SLC24A2: variants seen among roughly 807,000 people sequenced by gnomAD.
SLC24A2 encodes sodium/potassium/calcium exchanger 2.
A neutral mutation model predicts 62.0 loss-of-function variants in SLC24A2; 36 were observed. That is an observed-to-expected ratio of 0.58 (90% CI 0.44 to 0.77). The LOEUF (loss-of-function observed/expected upper bound fraction) is 0.77, where lower values mean the gene tolerates loss of function less well. Among genes scored for constraint, SLC24A2 ranks in the 30% least tolerant of loss-of-function variants. SLC24A2 has a pLI of 0.00. For synonymous variants in SLC24A2, 358 were observed against 294.0 expected, an observed-to-expected ratio of 1.22 and a Z score of -2.23; for missense variants, 846 against 817.9, an observed-to-expected ratio of 1.03 and a Z score of -0.42.
chr9:19,832,077 C>T, the SLC24A2 span, among the ~76,000 whole-genome samples: 1 of 152,172 alleles, frequency 6.6e-6, no homozygotes, highest in Non-Finnish European at 1.5e-5. Context: ...TGTCTGTACT[C>T]TCTCACCCAG....
intron 2 of SLC24A2, among the ~76,000 whole-genome samples, chr9:19,724,186 A>G (rs1013437789): frequency 6.6e-6 from 1 of 152,140 alleles, no homozygotes; most frequent in Admixed American, 6.5e-5. Flanking sequence ...CTTCTGGAAG[A>G]CTTCTTTTTT....
chr9:19,768,730 T>A (rs1822592719), intron 2 of SLC24A2, among the ~76,000 whole-genome samples: 2 of 152,148 alleles, frequency 1.3e-5, no homozygotes, highest in East Asian at 3.8e-4. Flanking sequence ...CATTTAACAT[T>A]TTCAGACTGT....
At chr9:19,867,729 G>A in the SLC24A2 span, among the ~76,000 whole-genome samples, 1 of 152,164 alleles carries the variant, frequency 6.6e-6, no homozygotes, top group Admixed American at 6.5e-5. Flanking sequence ...CTAACATGGT[G>A]AAACCCCGTC....
At chr9:20,005,898 T>A in the SLC24A2 span, among the ~76,000 whole-genome samples, 1 of 151,228 alleles carries the variant, frequency 6.6e-6, no homozygotes. Flanking sequence ...GAAACAAGTT[T>A]ATTTGTCATA....
At chr9:19,535,100 T>C (rs1380633207) in intron 8 of SLC24A2, among the ~76,000 whole-genome samples, 6 of 152,264 alleles carry the variant, frequency 3.9e-5, no homozygotes, top group Non-Finnish European at 4.4e-5. Flanking sequence ...TGCATTTCTC[T>C]AATGACCAGT....
rs571802399 is a variant in SLC24A2 at position 19,541,921 on chromosome 9, C to G, written c.1479+8216G>C. Among the ~76,000 whole-genome samples the G allele has an allele frequency of 4.7e-3, 710 of 152,144 alleles. 1 individual carries two copies. The highest frequency in any genetic ancestry group is 8.9e-3 in the Non-Finnish European group (604 of 67,968). ...TATAGTCTCCTGGTGCGCCGTTTTT[C>G]AAGCCGGTCTGAAAAGCGCAATATT... On this transcript the variant is annotated intron_variant, in intron 8 of 10. Transcript: ENST00000341998.
At chr9:20,007,879 C>CTT in the SLC24A2 span, among the ~76,000 whole-genome samples, 2,289 of 39,508 alleles carry the variant, frequency 0.058, 927 homozygotes, top group Non-Finnish European at 0.077. Context: ...TTACTCCTCT[C>CTT]TTTTTTTTTT....
chr9:19,567,333 T>C (rs1357670234), intron 7 of SLC24A2, among the ~76,000 whole-genome samples: 4 of 151,748 alleles, frequency 2.6e-5, no homozygotes, highest in Non-Finnish European at 5.9e-5. Context: ...GATCACCAGG[T>C]CAGGAGATCA....
At chr9:20,256,941 C>T in the SLC24A2 span, among the ~76,000 whole-genome samples, 66 of 104,680 alleles carry the variant, frequency 6.3e-4, no homozygotes, top group African/African-American at 2.0e-3. Flanking sequence ...CACACACACA[C>T]ACACACACTT....
At chr9:19,860,152 C>A in the SLC24A2 span, among the ~76,000 whole-genome samples, 1 of 152,130 alleles carries the variant, frequency 6.6e-6, no homozygotes, top group African/African-American at 2.4e-5. Flanking sequence ...CTCCCCTAAC[C>A]CTAAGTTGCA....
At chr9:19,531,434 C>T (rs1315773322) in intron 8 of SLC24A2, among the ~76,000 whole-genome samples, 1 of 152,144 alleles carries the variant, frequency 6.6e-6, no homozygotes, top group African/African-American at 2.4e-5. Context: ...GGATGGACCT[C>T]ATACTAATTA....
the SLC24A2 span, among the ~76,000 whole-genome samples, chr9:19,947,430 A>G: frequency 6.6e-6 from 1 of 151,548 alleles, no homozygotes; most frequent in African/African-American, 2.4e-5. Flanking sequence ...AAGGAAGGAA[A>G]GAAAGAAGGA....
chr9:19,640,319 C>T (rs910746953), intron 2 of SLC24A2, among the ~76,000 whole-genome samples: 4 of 152,314 alleles, frequency 2.6e-5, no homozygotes, highest in African/African-American at 9.6e-5. Context: ...TAAGTTGAAT[C>T]TTTATCTTTT....
intron 8 of SLC24A2, among the ~76,000 whole-genome samples, chr9:19,542,834 T>A (rs1297294930): frequency 6.6e-6 from 1 of 152,208 alleles, no homozygotes; most frequent in Non-Finnish European, 1.5e-5. Flanking sequence ...TGGATTTGGT[T>A]TGCCAGTATT....
At chr9:19,741,478 C>G (rs1371294369) in intron 2 of SLC24A2, among the ~76,000 whole-genome samples, 1 of 152,216 alleles carries the variant, frequency 6.6e-6, no homozygotes, top group Non-Finnish European at 1.5e-5. Context: ...CCTCAACACT[C>G]TCTGCTCCAA....
chr9:19,745,319 G>A (rs1821800702), intron 2 of SLC24A2, among the ~76,000 whole-genome samples: 1 of 152,108 alleles, frequency 6.6e-6, no homozygotes. Context: ...CCAGCCTCGG[G>A]TATTCCTTCA....
chr9:19,680,762 G>C (rs1263424912), intron 2 of SLC24A2, among the ~76,000 whole-genome samples: 1 of 152,010 alleles, frequency 6.6e-6, no homozygotes, highest in Non-Finnish European at 1.5e-5. Flanking sequence ...ACAATGTTGA[G>C]AAGTTCACAA....
chr9:19,718,236 A>C (rs1820917478), intron 2 of SLC24A2, among the ~76,000 whole-genome samples: 1 of 149,966 alleles, frequency 6.7e-6, no homozygotes, highest in East Asian at 2.0e-4. Context: ...TGGCCTCCCA[A>C]AGTGCTGGGA....
At chr9:19,898,530 C>A in the SLC24A2 span, among the ~76,000 whole-genome samples, 1 of 152,060 alleles carries the variant, frequency 6.6e-6, no homozygotes, top group Admixed American at 6.5e-5. Flanking sequence ...ATCACGAGGT[C>A]AGGAGATTGA....
Sources: allele counts gnomAD v4.1 joint callset (sites outside exome capture counted in the v4.1 genomes callset), GRCh38; gene constraint gnomAD v4.1.1; transcripts MANE v1.5; gene names NCBI Gene and HGNC (gene_info 2026-07-23, HGNC 2026-07-21).